Variants in SIMC1 observed in about 807,000 individuals in gnomAD.
The protein encoded by SIMC1 is SUMO interacting motifs containing 1, also known as SUMO-interacting motif-containing protein 1.
In SIMC1, 55 loss-of-function variants were observed where a neutral mutation model predicts 82.3. That is an observed-to-expected ratio of 0.67 (90% CI 0.54 to 0.84). The LOEUF is 0.84. Ranked by LOEUF, SIMC1 falls within the 40% of genes least tolerant of loss-of-function variation. The pLI, the probability that SIMC1 is intolerant of heterozygous loss-of-function variation, is 0.00. For synonymous variants in SIMC1, 353 were observed against 426.3 expected (o/e 0.83, Z 2.12); for missense variants, 915 against 1,107.2 (o/e 0.83, Z 2.46).
intron 4 of SIMC1, chr5:176,309,127 C>T: frequency 1.6e-6 from 1 of 633,798 alleles, no homozygotes; most frequent in East Asian, 2.6e-5. Flanking sequence ...TCAAGACTTA[C>T]TATAAAGCTG....
intron 1 of SIMC1, among the ~76,000 whole-genome samples, chr5:176,246,317 T>A (rs532987609): frequency 6.6e-6 from 1 of 151,974 alleles, no homozygotes; most frequent in East Asian, 1.9e-4. Context: ...GCCAAGTGAC[T>A]CCATTTTGAT....
chr5:176,289,803 G>A lies in SIMC1; in HGVS notation c.279G>A (p.Glu93=). The change falls in exon 2 of 10, where the codon GAG becomes GAA. Residue 93 remains glutamate, a synonymous_variant. Transcript: ENST00000429602. ...TLEPVTPSQK[E]PTSLQTCASL... Reference sequence around the variant, plus strand: ...AACCTGTCACTCCTTCCCAGAAGGAGCCAACCAGTCTTCAGACATGTGCCA... The same window carrying A: ...AACCTGTCACTCCTTCCCAGAAGGAACCAACCAGTCTTCAGACATGTGCCA... 1 of 1,613,962 alleles carries A rather than the reference G, an allele frequency of 6.2e-7. No homozygotes were observed. The highest frequency in any genetic ancestry group is 8.5e-7 in the Non-Finnish European group (1 of 1,179,886).
intron 7 of SIMC1, among the ~76,000 whole-genome samples, chr5:176,331,990 AC>A (rs1432066041): frequency 2.0e-5 from 3 of 152,026 alleles, no homozygotes; most frequent in Non-Finnish European, 4.4e-5. Context: ...ACAAACACAA[AC>A]TTTGCATTAT....
chr5:176,342,645 A>AT (rs1431244791), intron 9 of SIMC1, among the ~76,000 whole-genome samples: 1 of 152,194 alleles, frequency 6.6e-6, no homozygotes, highest in East Asian at 1.9e-4. Context: ...GCTTTTCCTC[A>AT]GGACATTTGC....
chr5:176,325,417 G>A, intron 7 of SIMC1, among the ~76,000 whole-genome samples: 1 of 149,990 alleles, frequency 6.7e-6, no homozygotes. Context: ...CGGCTGTGGT[G>A]GCTCACACCT....
chr5:176,335,475 C>G (rs919696275), intron 7 of SIMC1, among the ~76,000 whole-genome samples: 1 of 151,552 alleles, frequency 6.6e-6, no homozygotes, highest in African/African-American at 2.4e-5. Flanking sequence ...CAGGGTATCA[C>G]CGTTTTTGCC....
intron 9 of SIMC1, among the ~76,000 whole-genome samples, chr5:176,337,731 A>G (rs1765967807): frequency 6.6e-6 from 1 of 152,230 alleles, no homozygotes. Flanking sequence ...CATTGTAAAC[A>G]TCCGTCAATA....
chr5:176,273,957 A>G (rs71599475), intron 1 of SIMC1, among the ~76,000 whole-genome samples: 3 of 151,792 alleles, frequency 2.0e-5, no homozygotes, highest in East Asian at 1.9e-4. Flanking sequence ...TAGTGCCACA[A>G]TAAACATACG....
At chr5:176,297,628 TA>T (rs750411449) in intron 4 of SIMC1, among the ~76,000 whole-genome samples, 3 of 152,110 alleles carry the variant, frequency 2.0e-5, no homozygotes, top group African/African-American at 7.2e-5. Flanking sequence ...TCCCCAAGTT[TA>T]ATTTAATGGA....
At chr5:176,333,122 G>C (rs1292007206) in intron 7 of SIMC1, among the ~76,000 whole-genome samples, 1 of 152,030 alleles carries the variant, frequency 6.6e-6, no homozygotes, top group Non-Finnish European at 1.5e-5. Flanking sequence ...TGGCCAACAC[G>C]GTGAAACCCC....
chr5:176,338,703 T>C (rs7447449), intron 9 of SIMC1, among the ~76,000 whole-genome samples: 112,771 of 151,814 alleles, frequency 0.74, 42,050 homozygotes, highest in Middle Eastern at 0.85. Context: ...ATCATATTTA[T>C]GTTTATTTTA....
chr5:176,337,890 C>A (rs1251015572), intron 9 of SIMC1, among the ~76,000 whole-genome samples: 2 of 152,084 alleles, frequency 1.3e-5, no homozygotes, highest in Non-Finnish European at 2.9e-5. Context: ...GAGAGTTAGA[C>A]CAGGTAACCC....
At chr5:176,283,658 A>C (rs1271199279) in intron 1 of SIMC1, among the ~76,000 whole-genome samples, 2 of 152,232 alleles carry the variant, frequency 1.3e-5, no homozygotes, top group Non-Finnish European at 2.9e-5. Flanking sequence ...TGACAGGATC[A>C]AATTCACACA....
At chr5:176,329,364 G>A (rs1489379841) in intron 7 of SIMC1, among the ~76,000 whole-genome samples, 4 of 151,988 alleles carry the variant, frequency 2.6e-5, no homozygotes, top group African/African-American at 4.8e-5. Context: ...CCAGCTACTC[G>A]GGAGGCTGAG....
At position 176,336,632 on chromosome 5, in the gene SIMC1, A is replaced by G. The variant is rs1765907601; in HGVS notation, c.2172-88A>G. 6 of 1,523,066 alleles carry G rather than the reference A, an allele frequency of 3.9e-6. No homozygotes were observed. The South Asian group carries it at 6.3e-5, about 16-fold the overall frequency. 94.3% of individuals were successfully genotyped at this position (1,523,066 alleles called of 1,614,324 possible). A position where few individuals can be genotyped will look rare whatever the true frequency, so the allele number is the denominator to read the frequency against. On this transcript the variant is annotated intron_variant, in intron 7 of 9. Transcript: ENST00000429602. ...CCTTCTTAACTGTCTTTTTTAGGAC[A>G]AATGTTGTACATTCAGGGTGAATTG...
At chr5:176,252,985 C>T (rs1187277788) in intron 1 of SIMC1, among the ~76,000 whole-genome samples, 1 of 152,304 alleles carries the variant, frequency 6.6e-6, no homozygotes, top group South Asian at 2.1e-4. Flanking sequence ...CAAAAAAATA[C>T]GAAAACCAGT....
chr5:176,327,171 T>C (rs1765430241), intron 7 of SIMC1, among the ~76,000 whole-genome samples: 1 of 152,112 alleles, frequency 6.6e-6, no homozygotes, highest in South Asian at 2.1e-4. Flanking sequence ...AAAAAAAAAT[T>C]AGGAATTAAA....
chr5:176,273,825 G>A (rs1762557446), intron 1 of SIMC1, among the ~76,000 whole-genome samples: 1 of 152,068 alleles, frequency 6.6e-6, no homozygotes, highest in Admixed American at 6.5e-5. Context: ...CCCTACAAAG[G>A]ACATGAACTC....
chr5:176,255,303 C>T (rs1300115821), intron 1 of SIMC1, among the ~76,000 whole-genome samples: 2 of 149,074 alleles, frequency 1.3e-5, no homozygotes, highest in East Asian at 4.0e-4. Flanking sequence ...TCTTCAAGAC[C>T]AGGTGCTGTG....
Sources: gnomAD v4.1 joint callset for allele counts (sites outside exome capture counted in the v4.1 genomes callset) on GRCh38, gnomAD v4.1.1 for gene constraint, MANE v1.5 for transcripts, NCBI Gene and HGNC (gene_info 2026-07-23, HGNC 2026-07-21) for gene names.